The following TBC1D5 variants were observed in gnomAD, a reference collection of about 807,000 sequenced individuals.
TBC1D5 encodes the protein TBC1 domain family, member 5.
A neutral mutation model predicts 100.3 loss-of-function variants in TBC1D5; 75 were observed. That is an observed-to-expected ratio of 0.75 (90% confidence interval 0.62 to 0.91). The LOEUF (loss-of-function observed/expected upper bound fraction) is 0.91. Ranked by LOEUF, TBC1D5 falls within the 40% of genes least tolerant of loss-of-function variation. The probability of loss-of-function intolerance (pLI) is 0.00; values close to 1 mark genes in which losing one functional copy is unlikely to be tolerated. For missense variants in TBC1D5, 910 were observed against 942.4 expected (o/e 0.97, Z 0.45); for synonymous variants, 323 against 325.6 (o/e 0.99, Z 0.09).
chr3:17,388,778 A>C (rs2093256629), intron 8 of TBC1D5, among the ~76,000 whole-genome samples: 1 of 151,914 alleles, frequency 6.6e-6, no homozygotes, highest in South Asian at 2.1e-4. Flanking sequence ...TGGGAGGATC[A>C]CTTGAGCCTC....
intron 13 of TBC1D5, among the ~76,000 whole-genome samples, chr3:17,320,059 G>A (rs1575314031): frequency 6.6e-6 from 1 of 152,152 alleles, no homozygotes; most frequent in Admixed American, 6.5e-5. Flanking sequence ...GGGACATTTA[G>A]GTTCCTTTGT....
intron 18 of TBC1D5, among the ~76,000 whole-genome samples, chr3:17,186,695 G>A (rs2069117710): frequency 1.9e-5 from 1 of 53,180 alleles, no homozygotes; most frequent in Non-Finnish European, 3.4e-5. Flanking sequence ...GGGCGACAGA[G>A]CAAAACTCTA....
chr3:17,652,578 CTTG>C (rs2065679282), intron 1 of TBC1D5, among the ~76,000 whole-genome samples: 1 of 152,094 alleles, frequency 6.6e-6, no homozygotes, highest in African/African-American at 2.4e-5. Flanking sequence ...AGCACTATAT[CTTG>C]TTATCATTAT....
intron 1 of TBC1D5, among the ~76,000 whole-genome samples, chr3:17,706,667 T>C (rs1443522452): frequency 6.6e-6 from 1 of 152,068 alleles, no homozygotes; most frequent in Non-Finnish European, 1.5e-5. Flanking sequence ...ATTATAAAAA[T>C]TATCTTAAAA....
intron 13 of TBC1D5, among the ~76,000 whole-genome samples, chr3:17,321,694 T>C (rs1414702633): frequency 6.6e-6 from 1 of 152,168 alleles, no homozygotes; most frequent in Non-Finnish European, 1.5e-5. Flanking sequence ...TTCCTTTTAG[T>C]ACAAGAGTAA....
intron 5 of TBC1D5, among the ~76,000 whole-genome samples, chr3:17,405,760 C>T (rs1428750529): frequency 6.6e-6 from 1 of 151,984 alleles, no homozygotes; most frequent in African/African-American, 2.4e-5. Flanking sequence ...TGCACAGACT[C>T]AGTATGCTTA....
At chr3:17,288,667 C>G (rs1326653663) in intron 15 of TBC1D5, among the ~76,000 whole-genome samples, 1 of 152,188 alleles carries the variant, frequency 6.6e-6, no homozygotes, top group African/African-American at 2.4e-5. Flanking sequence ...AGAAACCACC[C>G]AACTTCGGGT....
intron 13 of TBC1D5, among the ~76,000 whole-genome samples, chr3:17,320,049 G>T (rs1280669271): frequency 6.6e-6 from 1 of 152,050 alleles, no homozygotes; most frequent in Non-Finnish European, 1.5e-5. Flanking sequence ...TTTTATTTTG[G>T]GGACATTTAG....
At position 17,595,121 on chromosome 3, in the gene TBC1D5, G is replaced by A. The variant is rs76017327; in HGVS notation, c.-36+28728C>T. On this transcript the variant is annotated intron_variant, in intron 2 of 21. Coordinates refer to ENST00000253692, the Ensembl canonical transcript of TBC1D5. ...AGATGCTTCTTGCCCTTGAACATCG[G>A]ACTCCAAGTTCTTGGTTTTAGAACT... Among the ~76,000 whole-genome samples, 455 of 152,226 alleles carry A rather than the reference G, an allele frequency of 3.0e-3. 2 individuals carry two copies. The highest frequency in any genetic ancestry group is 0.011 in the African/African-American group (438 of 41,534).
chr3:17,427,644 A>T (rs952376603), intron 4 of TBC1D5, among the ~76,000 whole-genome samples: 4 of 151,952 alleles, frequency 2.6e-5, no homozygotes, highest in African/African-American at 9.6e-5. Flanking sequence ...CCACAAGGAC[A>T]ATGTTGACCA....
chr3:17,728,054 A>C (rs1372148118), intron 1 of TBC1D5, among the ~76,000 whole-genome samples: 1 of 152,232 alleles, frequency 6.6e-6, no homozygotes, highest in Non-Finnish European at 1.5e-5. Context: ...TGTCAAGAGA[A>C]ACCCAAAAAG....
rs1418940568 is a variant in TBC1D5, at chr3:17,575,253, C to T, written c.-36+48596G>A. 2.0e-5 allele frequency: 3 copies of T among 151,352 alleles called. No individual in the cohort carries two copies. In the East Asian group the frequency reaches 5.8e-4, roughly 30 times the overall value. 9.4% of individuals were successfully genotyped at this position (151,352 alleles called of 1,614,324 possible). A position where few individuals can be genotyped will look rare whatever the true frequency, so the allele number is the denominator to read the frequency against. ...ATGGTTTGAGACCTGGAGGTTGATGCTGCAGTGAGCCTTAATCACACCATG... is the reference window on the plus strand; with the variant it reads ...ATGGTTTGAGACCTGGAGGTTGATGTTGCAGTGAGCCTTAATCACACCATG... On this transcript the variant is annotated intron_variant, in intron 2 of 21. Transcript: ENST00000253692.
chr3:17,552,036 C>T (rs1373555256), intron 2 of TBC1D5, among the ~76,000 whole-genome samples: 1 of 151,964 alleles, frequency 6.6e-6, no homozygotes, highest in Non-Finnish European at 1.5e-5. Context: ...CATGGGAAAC[C>T]TTGTTTCTGA....
chr3:17,245,306 T>C (rs1397208521), intron 16 of TBC1D5, among the ~76,000 whole-genome samples: 1 of 152,254 alleles, frequency 6.6e-6, no homozygotes, highest in Non-Finnish European at 1.5e-5. Context: ...AAGACTTCTA[T>C]ATCTAATTTT....
At chr3:17,656,856 G>A (rs373720079) in intron 1 of TBC1D5, among the ~76,000 whole-genome samples, 5 of 151,692 alleles carry the variant, frequency 3.3e-5, no homozygotes, top group South Asian at 2.1e-4. Flanking sequence ...ATGCGCATTC[G>A]AATGGAATAG....
intron 15 of TBC1D5, among the ~76,000 whole-genome samples, chr3:17,269,163 C>A (rs2079124621): frequency 6.6e-6 from 1 of 152,226 alleles, no homozygotes. Context: ...ATAGGAGTAA[C>A]ATTTAGGATT....
At chr3:17,712,365 C>G (rs1353692625) in intron 1 of TBC1D5, among the ~76,000 whole-genome samples, 1 of 152,160 alleles carries the variant, frequency 6.6e-6, no homozygotes, top group Non-Finnish European at 1.5e-5. Context: ...GGAATTAAGG[C>G]TATTGCATCT....
At chr3:17,667,425 G>A (rs1474805927) in intron 1 of TBC1D5, among the ~76,000 whole-genome samples, 1 of 151,852 alleles carries the variant, frequency 6.6e-6, no homozygotes, top group East Asian at 1.9e-4. Context: ...TTGTTATAAG[G>A]TAGGATTGAA....
At chr3:17,443,087 GATCA>G (rs1055767665) in intron 3 of TBC1D5, among the ~76,000 whole-genome samples, 45 of 152,112 alleles carry the variant, frequency 3.0e-4, no homozygotes, top group Admixed American at 5.9e-4. Flanking sequence ...AGAAAAATAT[GATCA>G]ATTATCAAAA....
Sources: gnomAD v4.1 joint callset for allele counts (sites outside exome capture counted in the v4.1 genomes callset) on GRCh38, gnomAD v4.1.1 for gene constraint, MANE v1.5 for transcripts, NCBI Gene and HGNC (gene_info 2026-07-23, HGNC 2026-07-21) for gene names.